AUTS2: variants seen among roughly 807,000 people sequenced by gnomAD.
AUTS2 encodes autism susceptibility gene 2 protein.
Under a neutral mutation model 112.4 loss-of-function variants are expected in AUTS2, and 17 were observed. That is an observed-to-expected ratio of 0.15 (90% confidence interval 0.10 to 0.23). The LOEUF (loss-of-function observed/expected upper bound fraction) is 0.23, where lower values mean the gene tolerates loss of function less well. Ranked by LOEUF, AUTS2 falls within the 10% of genes least tolerant of loss-of-function variation. The pLI is 1.00. For synonymous variants in AUTS2, 751 were observed against 702.7 expected, an observed-to-expected ratio of 1.07 and a Z score of -1.09; for missense variants, 1,510 against 1,701.6, an observed-to-expected ratio of 0.89 and a Z score of 1.98.
At chr7:70,094,969 G>T (rs1400329733) in intron 2 of AUTS2, among the ~76,000 whole-genome samples, 2 of 152,134 alleles carry the variant, frequency 1.3e-5, no homozygotes, top group Non-Finnish European at 2.9e-5. Flanking sequence ...TTGGAAGTGG[G>T]TGCAATGGTT....
At chr7:70,404,052 C>T (rs945619210) in intron 4 of AUTS2, among the ~76,000 whole-genome samples, 17 of 152,326 alleles carry the variant, frequency 1.1e-4, no homozygotes, top group African/African-American at 2.9e-4. Flanking sequence ...CACACCTTAT[C>T]CGTCCCTAAT....
At chr7:70,374,522 G>C (rs1483980054) in intron 4 of AUTS2, among the ~76,000 whole-genome samples, 8 of 152,182 alleles carry the variant, frequency 5.3e-5, no homozygotes, top group Admixed American at 5.2e-4. Context: ...GCAGTCAATT[G>C]CTTGTAAGTA....
At chr7:69,753,552 G>A (rs1052457345) in intron 1 of AUTS2, among the ~76,000 whole-genome samples, 1 of 152,152 alleles carries the variant, frequency 6.6e-6, no homozygotes, top group Non-Finnish European at 1.5e-5. Flanking sequence ...TAGTCTTCCT[G>A]AAGTTTCCTG....
At chr7:69,964,576 C>T (rs557639344) in intron 2 of AUTS2, among the ~76,000 whole-genome samples, 20 of 152,112 alleles carry the variant, frequency 1.3e-4, no homozygotes, top group African/African-American at 4.8e-4. Flanking sequence ...TAAAGTCCCT[C>T]CCCAGGTAGA....
intron 5 of AUTS2, among the ~76,000 whole-genome samples, chr7:70,479,986 G>A (rs894529432): frequency 2.0e-5 from 3 of 152,220 alleles, no homozygotes; most frequent in Non-Finnish European, 4.4e-5. Context: ...AACACAGACT[G>A]TCCCCCCAAA....
intron 2 of AUTS2, among the ~76,000 whole-genome samples, chr7:70,061,273 G>A (rs1434525345): frequency 6.6e-6 from 1 of 152,188 alleles, no homozygotes; most frequent in African/African-American, 2.4e-5. Flanking sequence ...CTAGTAGCCT[G>A]CCTGGCATAC....
intron 4 of AUTS2, among the ~76,000 whole-genome samples, chr7:70,233,511 A>G (rs1812164803): frequency 6.6e-6 from 1 of 152,216 alleles, no homozygotes; most frequent in Non-Finnish European, 1.5e-5. Context: ...TGGACCTCAC[A>G]TAATTGTGAC....
intron 4 of AUTS2, among the ~76,000 whole-genome samples, chr7:70,303,422 A>ACACGCG (rs1301031657): frequency 8.0e-6 from 1 of 125,664 alleles, no homozygotes; most frequent in African/African-American, 3.2e-5. Flanking sequence ...GCACACACAC[A>ACACGCG]CGCGCGCGCG....
chr7:70,164,129 T>C (rs1425482433), intron 4 of AUTS2, among the ~76,000 whole-genome samples: 2 of 152,174 alleles, frequency 1.3e-5, no homozygotes, highest in Non-Finnish European at 2.9e-5. Flanking sequence ...AAATAAACTT[T>C]CATTTCTATA....
chr7:70,517,304 G>A (rs1799455232), intron 5 of AUTS2, among the ~76,000 whole-genome samples: 1 of 152,126 alleles, frequency 6.6e-6, no homozygotes, highest in Non-Finnish European at 1.5e-5. Context: ...ATGGCAACTA[G>A]AGAGAAATCA....
intron 5 of AUTS2, among the ~76,000 whole-genome samples, chr7:70,564,124 A>G (rs1348461408): frequency 6.6e-6 from 1 of 152,230 alleles, no homozygotes; most frequent in Non-Finnish European, 1.5e-5. Flanking sequence ...TGAGGTCACT[A>G]GTAGATTATT....
Position 70,790,402 on chromosome 7 carries a change from G to A in AUTS2, c.3186G>A (p.Pro1062=), listed in dbSNP as rs369519062. ...ISPLPGGERF[P]YPSFHWDPIR... Reference sequence around the variant, plus strand: ...CCCTCCCGGGCGGAGAGCGCTTCCCGTACCCTTCTTTCCACTGGGACCCCA... The same window carrying A: ...CCCTCCCGGGCGGAGAGCGCTTCCCATACCCTTCTTTCCACTGGGACCCCA... Residue 1062 remains proline, a synonymous_variant, in exon 19 of 19, where the codon CCG becomes CCA. Transcript: ENST00000342771. The surrounding 1 kb of genome is among the most constrained non-coding windows in gnomAD (Gnocchi z 7.6). 5.8e-5 allele frequency: 93 copies of A among 1,613,324 alleles called. 1 individual carries two copies. Among genetic ancestry groups the A allele is most frequent in the Non-Finnish European group, 7.5e-5 (89 of 1,179,772 alleles).
chr7:70,585,009 T>A (rs545401885), intron 5 of AUTS2, among the ~76,000 whole-genome samples: 1 of 152,376 alleles, frequency 6.6e-6, no homozygotes, highest in East Asian at 1.9e-4. Flanking sequence ...TATTAACTCC[T>A]CTGATATCCT....
intron 6 of AUTS2, among the ~76,000 whole-genome samples, chr7:70,743,275 A>G (rs970728050): frequency 1.3e-5 from 2 of 151,996 alleles, no homozygotes; most frequent in African/African-American, 4.8e-5. Context: ...CAAGACCAAC[A>G]TGGCCAACAC....
chr7:70,696,287 A>G (rs914150567), intron 5 of AUTS2, among the ~76,000 whole-genome samples: 5 of 152,124 alleles, frequency 3.3e-5, no homozygotes, highest in African/African-American at 9.7e-5. Flanking sequence ...AACCACCTGG[A>G]TAGGAGAGAG....
intron 1 of AUTS2, among the ~76,000 whole-genome samples, chr7:69,766,571 A>G (rs1788431615): frequency 6.6e-6 from 1 of 152,162 alleles, no homozygotes; most frequent in African/African-American, 2.4e-5. Context: ...ATTTAAATTC[A>G]TCGTTTTGGG....
At chr7:70,532,194 G>T (rs772573310) in intron 5 of AUTS2, among the ~76,000 whole-genome samples, 3 of 152,176 alleles carry the variant, frequency 2.0e-5, no homozygotes, top group Non-Finnish European at 4.4e-5. Context: ...GCTTCAGCTT[G>T]TATCGCGTTG....
At chr7:70,487,207 C>G (rs968712753) in intron 5 of AUTS2, among the ~76,000 whole-genome samples, 17 of 152,014 alleles carry the variant, frequency 1.1e-4, no homozygotes, top group Admixed American at 5.2e-4. Flanking sequence ...TCATCTACCT[C>G]ATCCTTCTCC....
Position 70,790,595 on chromosome 7 carries a change from C to A in AUTS2, c.3379C>A (p.His1127Asn), listed in dbSNP as rs1791866227. 1 of 1,599,176 alleles carries A rather than the reference C, an allele frequency of 6.3e-7. No individual in the cohort carries two copies. The highest frequency in any genetic ancestry group is 8.5e-7 in the Non-Finnish European group (1 of 1,173,312). Residue 1127 changes from histidine to asparagine, a missense_variant, in exon 19 of 19, where the codon CAC becomes AAC. His to Asn is a moderately conservative substitution (Grantham distance 68). This residue lies in a region of AUTS2 where 788 missense variants were observed against 797.6 expected (regional missense o/e 0.99). Transcript: ENST00000342771. This position sits in a 1 kb window ranked among gnomAD's most constrained non-coding sequence, Gnocchi z 7.6. ...RDREPHDYSHHHHHHHHPLSV... is the reference protein window; with the variant it reads ...RDREPHDYSHNHHHHHHPLSV... ...CCGGGAGCCTCACGACTACAGCCACCACCACCACCACCACCACCACCCGCT... is the reference window on the plus strand; with the variant it reads ...CCGGGAGCCTCACGACTACAGCCACAACCACCACCACCACCACCACCCGCT...
Sources: allele counts gnomAD v4.1 joint callset (sites outside exome capture counted in the v4.1 genomes callset), GRCh38; gene constraint gnomAD v4.1.1; regional missense constraint gnomAD v4.1.1; non-coding constraint Gnocchi (gnomAD v3.1); transcripts MANE v1.5; gene names NCBI Gene and HGNC (gene_info 2026-07-23, HGNC 2026-07-21).